The following JOSD2 variants were observed in gnomAD, a reference collection of about 807,000 sequenced individuals.
JOSD2 encodes josephin-2.
Under a neutral mutation model 19.3 loss-of-function variants are expected in JOSD2, and 20 were observed. That is an observed-to-expected ratio of 1.04 (90% confidence interval 0.73 to 1.51). The LOEUF is 1.51. JOSD2 is among the 40% of genes most tolerant of loss of function. The probability of loss-of-function intolerance (pLI) is 0.00; values close to 1 mark genes in which losing one functional copy is unlikely to be tolerated. For synonymous variants in JOSD2, 118 were observed against 123.7 expected (o/e 0.95, Z 0.31); for missense variants, 215 against 250.4 (o/e 0.86, Z 0.95).
At position 50,506,094 on chromosome 19, in the gene JOSD2, C is replaced by T. The variant is rs1979307012; in HGVS notation, c.*79G>A. The T allele has an allele frequency of 1.4e-6, 2 of 1,408,864 alleles. No homozygotes were observed. Among genetic ancestry groups the T allele is most frequent in the East Asian group, 4.6e-5 (2 of 43,690 alleles). 87.3% of individuals were successfully genotyped at this position (1,408,864 alleles called of 1,614,324 possible). On this transcript the variant is annotated 3_prime_UTR_variant, in exon 5 of 5. Coordinates refer to ENST00000598418, the MANE Select transcript of JOSD2 (RefSeq NM_001270639.2). ...CTCCCCAGGGTCCATGAAGTGCTGG[C>T]CTTTCCCAGGCATGCAGTGTGCGCA... is the stretch of plus-strand genomic sequence containing the variant.
At chr19:50,508,947 A>G (rs1016577038) in intron 2 of JOSD2, among the ~76,000 whole-genome samples, 23 of 151,986 alleles carry the variant, frequency 1.5e-4, no homozygotes, top group African/African-American at 2.2e-4. Flanking sequence ...AGGCAGGGCC[A>G]TCTCCAGGTG....
chr19:50,506,010 G>T lies in JOSD2; in HGVS notation c.*163C>A. The T allele has an allele frequency of 1.5e-6, 1 of 666,794 alleles. No homozygotes were observed. The highest frequency in any genetic ancestry group is 2.5e-6 in the Non-Finnish European group (1 of 397,380). 41.3% of individuals were successfully genotyped at this position (666,794 alleles called of 1,614,324 possible). On this transcript the variant is annotated 3_prime_UTR_variant, in exon 5 of 5. Transcript: ENST00000598418. ...CACAGGCCAGGCAGGCAGCAAATCAGCAGATTTATTGAGGCAGCAGCGGCA... is the reference window on the plus strand; with the variant it reads ...CACAGGCCAGGCAGGCAGCAAATCATCAGATTTATTGAGGCAGCAGCGGCA...
At chr19:50,508,328 A>G (rs1439178457) in intron 2 of JOSD2, among the ~76,000 whole-genome samples, 1 of 152,120 alleles carries the variant, frequency 6.6e-6, no homozygotes, top group Non-Finnish European at 1.5e-5. Flanking sequence ...CAACGATGAC[A>G]GCTGCCCGCA....
At position 50,506,153 on chromosome 19, in the gene JOSD2, G is replaced by A; in HGVS notation, c.*20C>T. On this transcript the variant is annotated 3_prime_UTR_variant, in exon 5 of 5. Transcript: ENST00000598418. ...GGGATGCGCAGGGACTGCGCTGTGG[G>A]CGCCGATGGTCAGCCATGGTCAGTC... The A allele has an allele frequency of 1.2e-6, 2 of 1,609,610 alleles. No homozygotes were observed. The highest frequency in any genetic ancestry group is 1.7e-6 in the Non-Finnish European group (2 of 1,177,844).
Position 50,506,361 on chromosome 19 carries a change from G to T in JOSD2, c.467+17C>A, listed in dbSNP as rs369824781. The T allele has an allele frequency of 3.1e-6, 5 of 1,602,586 alleles. No homozygotes were observed. In the South Asian group the frequency reaches 4.4e-5, roughly 14 times the overall value. On this transcript the variant is annotated intron_variant, in intron 4 of 4. Transcript: ENST00000598418. ...GTTTCAGGCCCCTGGTCTTGGAATC[G>T]CCTCTGTGGGGCTCACCTGACTCCG... is the stretch of plus-strand genomic sequence containing the variant.
rs759957023 is a variant in JOSD2 at position 50,510,398 on chromosome 19, G to C, written c.34C>G (p.Pro12Ala). 2 of 1,612,862 alleles carry C rather than the reference G, an allele frequency of 1.2e-6. No homozygotes were observed. The highest frequency in any genetic ancestry group is 3.3e-5 in the Admixed American group (2 of 60,004). ...CGCTGCCGTTCGTGGTACACGGTGG[G>C]TGGGCTCGGCTGTGCTCCCGGGGCC... Reference protein sequence around the residue: ...SQAPGAQPSPPTVYHERQRLE... With the variant: ...SQAPGAQPSPATVYHERQRLE... Residue 12 changes from proline to alanine, a missense_variant, in exon 2 of 5, where the codon CCC becomes GCC. Transcript: ENST00000598418.
intron 3 of JOSD2, among the ~76,000 whole-genome samples, chr19:50,507,010 C>T (rs2122704971): frequency 6.6e-6 from 1 of 150,736 alleles, no homozygotes; most frequent in Non-Finnish European, 1.5e-5. Flanking sequence ...TATGCATTCA[C>T]TTCCATCCCT....
At chr19:50,508,278 C>T (rs1271036969) in intron 2 of JOSD2, among the ~76,000 whole-genome samples, 1 of 152,224 alleles carries the variant, frequency 6.6e-6, no homozygotes, top group Non-Finnish European at 1.5e-5. Flanking sequence ...CAGGCTGGAT[C>T]GGGGCCCTGT....
At chr19:50,510,142 C>A (rs1056245325) in intron 2 of JOSD2, 144 bp downstream of exon 2, 15 of 927,168 alleles carry the variant, frequency 1.6e-5, no homozygotes, top group African/African-American at 1.5e-4. Flanking sequence ...CAACATCTCC[C>A]CAGAGTCCCA....
chr19:50,510,359 C>T lies in JOSD2; in HGVS notation c.73G>A (p.Ala25Thr), dbSNP rs746858717. 3.1e-6 allele frequency: 5 copies of T among 1,613,544 alleles called. No individual in the cohort carries two copies. Among genetic ancestry groups the T allele is most frequent in the South Asian group, 2.2e-5 (2 of 91,092 alleles). Residue 25 changes from alanine (A) to threonine (T), a missense_variant, in exon 2 of 5, where the codon GCT (alanine) becomes ACT (threonine). Transcript: ENST00000598418. ...YHERQRLELC[A>T]VHALNNVLQQ... ...AGAACGTTGTTGAGGGCGTGGACAGCACACAGCTCCAGGCGCTGCCGTTCG... is the reference window on the plus strand; with the variant it reads ...AGAACGTTGTTGAGGGCGTGGACAGTACACAGCTCCAGGCGCTGCCGTTCG...
At chr19:50,506,670 C>G in intron 3 of JOSD2, 98 bp from the exon 4 acceptor site, 2 of 1,086,954 alleles carry the variant, frequency 1.8e-6, no homozygotes, top group Non-Finnish European at 2.6e-6. Context: ...GTGGTGAGGG[C>G]CTCCTGAGCC....
At position 50,506,185 on chromosome 19, in the gene JOSD2, C is replaced by T; in HGVS notation, c.555G>A (p.Leu185=). The T allele has an allele frequency of 6.2e-7, 1 of 1,612,664 alleles. No homozygotes were observed. ...TKEVEEKGSW[L]RTD is the part of the protein sequence containing the mutation. ...TGGTCAGCCATGGTCAGTCTGTCCG[C>T]AGCCAGCTGCCCTTCTCCTCCACCT... Residue 185 remains leucine (L), a synonymous_variant, in exon 5 of 5, where the codon CTG becomes CTA. Transcript: ENST00000598418.
chr19:50,510,756 CCT>C lies in JOSD2; in HGVS notation c.-17-310_-17-309del, dbSNP rs1979766208. 2.6e-5 allele frequency among the ~76,000 whole-genome samples: 4 copies of C among 151,894 alleles called. No individual in the cohort carries two copies. In the South Asian group the frequency reaches 8.3e-4, roughly 32 times the overall value. Reference sequence around the variant, plus strand: ...CAACAGAGGAACCTGCCTCCCCGTCCCTAGGTAACCAGGGCGCTCTGTGGTTA... The same window carrying C: ...CAACAGAGGAACCTGCCTCCCCGTCCAGGTAACCAGGGCGCTCTGTGGTTA... On this transcript the variant is annotated intron_variant, in intron 1 of 4. Transcript: ENST00000598418.
At chr19:50,506,730 G>A (rs1979378069) in intron 3 of JOSD2, among the ~76,000 whole-genome samples, 158 bp from the exon 4 acceptor site, 1 of 151,542 alleles carries the variant, frequency 6.6e-6, no homozygotes, top group Non-Finnish European at 1.5e-5. Context: ...ACACTCATCC[G>A]TTCACCTGCC....
chr19:50,510,063 A>AAAAAAAAAAG (rs1182149961), intron 2 of JOSD2: 20 of 460,358 alleles, frequency 4.3e-5, no homozygotes, highest in African/African-American at 3.8e-4. Flanking sequence ...AAAAAAAAAA[A>AAAAAAAAAAG]AAAAGAAAGA....
Position 50,511,184 on chromosome 19 carries a change from C to G in JOSD2, c.-85G>C, listed in dbSNP as rs1281320908. The G allele has an allele frequency of 6.8e-6, 3 of 439,610 alleles. No individual in the cohort carries two copies. The highest frequency in any genetic ancestry group is 6.2e-5 in the African/African-American group (3 of 48,536). The allele number at this position is 439,610 out of a possible 1,614,324, so 27.2% of individuals were successfully genotyped here. ...CCCCTTCCTGGGCGGCGGCTCTGGG[C>G]TCCGAGTGCGGGGCGGGCAACACCG... On this transcript the variant is annotated 5_prime_UTR_variant, in exon 1 of 5. Transcript: ENST00000598418.
chr19:50,507,513 T>C, intron 3 of JOSD2, 61 bp downstream of exon 3: 2 of 1,517,580 alleles, frequency 1.3e-6, no homozygotes, highest in Admixed American at 2.1e-5. Flanking sequence ...CCCAACAGGC[T>C]CACACTATAG....
chr19:50,510,193 C>T lies in JOSD2; in HGVS notation c.146+93G>A. The T allele has an allele frequency of 2.7e-6, 4 of 1,504,046 alleles. No individual in the cohort carries two copies. In the South Asian group the frequency reaches 3.5e-5, roughly 13 times the overall value. 93.2% of individuals were successfully genotyped at this position (1,504,046 alleles called of 1,614,324 possible). A position where few individuals can be genotyped will look rare whatever the true frequency, so the allele number is the denominator to read the frequency against. On this transcript the variant is annotated intron_variant, in intron 2 of 4. Coordinates refer to ENST00000598418, the MANE Select transcript of JOSD2 (RefSeq NM_001270639.2). ...AAGTGAGCGCGGAGCAGAAGAAAGCCCCCAAGGCTCAGCGCCTGCCTGGCG... is the reference window on the plus strand; with the variant it reads ...AAGTGAGCGCGGAGCAGAAGAAAGCTCCCAAGGCTCAGCGCCTGCCTGGCG...
At position 50,507,707 on chromosome 19, in the gene JOSD2, TGG is replaced by T. The variant is rs749123951; in HGVS notation, c.147-10_147-9del. On this transcript the variant is annotated splice_polypyrimidine_tract_variant and intron_variant, in intron 2 of 4. Transcript: ENST00000598418. Reference sequence around the variant, plus strand: ...CGGGAGTCTGGGGCCAACCTGGTAGTGGGGGTGGCCAGAGCTGAGGTGGGGAC... The same window carrying T: ...CGGGAGTCTGGGGCCAACCTGGTAGTGGGTGGCCAGAGCTGAGGTGGGGAC... 1 of 1,609,176 alleles carries T rather than the reference TGG, an allele frequency of 6.2e-7. No homozygotes were observed. The highest frequency in any genetic ancestry group is 1.1e-5 in the South Asian group (1 of 90,844).
Sources: allele counts gnomAD v4.1 joint callset (sites outside exome capture counted in the v4.1 genomes callset), GRCh38; gene constraint gnomAD v4.1.1; transcripts MANE v1.5; gene names NCBI Gene and HGNC (gene_info 2026-07-23, HGNC 2026-07-21).